DCHS2: variants seen among roughly 807,000 people sequenced by gnomAD.
DCHS2 encodes dachsous cadherin-related 2.
Under a neutral mutation model 182.4 loss-of-function variants are expected in DCHS2, and 142 were observed. The observed-to-expected ratio is 0.78, with a 90% CI of 0.68 to 0.89. The LOEUF (loss-of-function observed/expected upper bound fraction) is 0.89. Among genes scored for constraint, DCHS2 ranks in the 40% least tolerant of loss-of-function variants. DCHS2 has a pLI of 0.00. For missense variants in DCHS2, 4,319 were observed against 4,198.6 expected (o/e 1.03, Z -0.79); for synonymous variants, 1,740 against 1,663.3 (o/e 1.05, Z -1.12).
At chr4:154,327,956 T>C in intron 7 of DCHS2, 137 bp downstream of exon 7, 1 of 481,722 alleles carries the variant, frequency 2.1e-6, no homozygotes, top group Non-Finnish European at 3.5e-6. Flanking sequence ...ATTTTGTTTG[T>C]AACTTGGTGC....
chr4:154,265,493 G>A (rs375839337), intron 14 of DCHS2, among the ~76,000 whole-genome samples: 1 of 152,142 alleles, frequency 6.6e-6, no homozygotes, highest in African/African-American at 2.4e-5. Context: ...AAATGTCAGC[G>A]ATCAGTTGGG....
intron 16 of DCHS2, among the ~76,000 whole-genome samples, chr4:154,251,586 T>C (rs1316728467): frequency 6.6e-6 from 1 of 152,186 alleles, no homozygotes; most frequent in Non-Finnish European, 1.5e-5. Context: ...TGGTGCGATC[T>C]CAGCTCACTG....
intron 16 of DCHS2, among the ~76,000 whole-genome samples, chr4:154,252,657 TC>T: frequency 4.8e-5 from 3 of 61,926 alleles, no homozygotes; most frequent in South Asian, 5.8e-4. Flanking sequence ...ATCTCATTCT[TC>T]TTTTTTTCTT....
chr4:154,293,461 C>G (rs1734763301), intron 13 of DCHS2, among the ~76,000 whole-genome samples: 1 of 152,106 alleles, frequency 6.6e-6, no homozygotes, highest in Non-Finnish European at 1.5e-5. Context: ...GGATTACAGG[C>G]GTGAACCACT....
chr4:154,309,961 A>C (rs1259503203), intron 10 of DCHS2, among the ~76,000 whole-genome samples: 1 of 152,230 alleles, frequency 6.6e-6, no homozygotes, highest in Non-Finnish European at 1.5e-5. Context: ...TTAAACCTGT[A>C]ACTCAAGTCA....
chr4:154,239,145 A>G (rs1406099767), intron 19 of DCHS2, 25 bp downstream of exon 19: 15 of 1,604,352 alleles, frequency 9.3e-6, no homozygotes, highest in Non-Finnish European at 1.2e-5. Context: ...ACCTATGAGC[A>G]TTAATGCAAT....
intron 1 of DCHS2, among the ~76,000 whole-genome samples, chr4:154,391,962 T>G (rs967343871): frequency 6.6e-6 from 1 of 152,174 alleles, no homozygotes; most frequent in Non-Finnish European, 1.5e-5. Flanking sequence ...GTTATGTTAT[T>G]CTATATACTA....
rs138079021 is a variant in DCHS2 at position 154,366,227 on chromosome 4, G to T, written c.2459C>A (p.Thr820Asn). ...LIPGNVSSLF[T>N]IDSTTGIIYL... The stretch of plus-strand genomic sequence containing the variant: ...TCACATACCTGTGGTGGAGTCAATG[G>T]TAAAAAGGGACGACACGTTTCCTGG... The change falls in exon 3 of 20, where the codon ACC becomes AAC. Residue 820 changes from threonine (T) to asparagine (N), a missense_variant. By Grantham distance (65) the Thr-to-Asn change is moderately conservative. Coordinates refer to ENST00000357232, the MANE Select transcript of DCHS2 (RefSeq NM_001358235.2). The T allele has an allele frequency of 6.8e-6, 11 of 1,613,250 alleles. No individual in the cohort carries two copies. Among genetic ancestry groups the T allele is most frequent in the Non-Finnish European group, 8.5e-6 (10 of 1,179,710 alleles).
chr4:154,331,782 C>T (rs4696548), intron 5 of DCHS2: 573,355 of 1,491,150 alleles, frequency 0.38, 115,488 homozygotes, highest in Non-Finnish European at 0.42. Context: ...CTCGAGCTAT[C>T]TGAGTTTCAG....
chr4:154,251,582 G>C (rs535523800), intron 16 of DCHS2, among the ~76,000 whole-genome samples: 1 of 152,030 alleles, frequency 6.6e-6, no homozygotes, highest in Non-Finnish European at 1.5e-5. Flanking sequence ...GCAGTGGTGC[G>C]ATCTCAGCTC....
At chr4:154,277,486 G>A (rs965943707) in intron 13 of DCHS2, among the ~76,000 whole-genome samples, 56 of 152,222 alleles carry the variant, frequency 3.7e-4, no homozygotes, top group African/African-American at 1.1e-3. Context: ...ACGTACATAA[G>A]CCCAGTGAAG....
intron 9 of DCHS2, among the ~76,000 whole-genome samples, chr4:154,319,090 C>T (rs1054749945): frequency 2.6e-5 from 4 of 152,004 alleles, no homozygotes; most frequent in East Asian, 1.9e-4. Context: ...ACTACACTTT[C>T]GAAAAAGGCT....
chr4:154,288,307 A>G (rs1734500200), intron 13 of DCHS2, among the ~76,000 whole-genome samples: 2 of 152,208 alleles, frequency 1.3e-5, no homozygotes, highest in South Asian at 4.1e-4. Flanking sequence ...ATTTCAACAC[A>G]AAAACTATAT....
intron 14 of DCHS2, among the ~76,000 whole-genome samples, chr4:154,261,519 GT>G (rs1292446071): frequency 6.6e-6 from 1 of 152,190 alleles, no homozygotes; most frequent in Non-Finnish European, 1.5e-5. Flanking sequence ...GGGAGCTGCA[GT>G]TTTTATTGCT....
In DCHS2 at chr4:154,383,841, G is replaced by A. The variant is rs536805971; in HGVS notation, c.2053-6397C>T. 2.8e-3 allele frequency among the ~76,000 whole-genome samples: 428 copies of A among 151,864 alleles called. 3 individuals are homozygous for A. The highest frequency in any genetic ancestry group is 9.6e-3 in the African/African-American group (398 of 41,390). On this transcript the variant is annotated intron_variant, in intron 1 of 19. Coordinates refer to ENST00000357232, the MANE Select transcript of DCHS2 (RefSeq NM_001358235.2). The stretch of plus-strand genomic sequence containing the variant: ...AAAATTTGTGAAAAAAAATAAAAAC[G>A]TCTCAGAGCCCAGTAAAAAAGAGCA...
intron 3 of DCHS2, among the ~76,000 whole-genome samples, chr4:154,350,267 C>T (rs1729545228): frequency 2.6e-5 from 4 of 152,126 alleles, no homozygotes; most frequent in African/African-American, 9.7e-5. Context: ...TTTTAATTAC[C>T]TTAACATGAA....
intron 1 of DCHS2, among the ~76,000 whole-genome samples, chr4:154,382,230 C>T (rs567999303): frequency 6.6e-6 from 1 of 152,204 alleles, no homozygotes; most frequent in South Asian, 2.1e-4. Context: ...TAGCCATATA[C>T]AGAGGATTGA....
chr4:154,459,734 TTCTCTCTCTCTCTCTCTCTCTC>T (rs60259256), intron 1 of DCHS2, among the ~76,000 whole-genome samples: 69 of 135,334 alleles, frequency 5.1e-4, no homozygotes, highest in Admixed American at 1.4e-3. Flanking sequence ...TATCTACACA[TTCTCTCTCTCTCTCTCTCTCTC>T]TCTCTCTCTC....
At chr4:154,324,025 A>G (rs889905595) in intron 7 of DCHS2, among the ~76,000 whole-genome samples, 1 of 152,228 alleles carries the variant, frequency 6.6e-6, no homozygotes, top group African/African-American at 2.4e-5. Context: ...AGTTCATTAT[A>G]AGAAAGGCAG....
Sources: gnomAD v4.1 joint callset for allele counts (sites outside exome capture counted in the v4.1 genomes callset) on GRCh38, gnomAD v4.1.1 for gene constraint, MANE v1.5 for transcripts, NCBI Gene and HGNC (gene_info 2026-07-23, HGNC 2026-07-21) for gene names.